Variants in INSL6 observed in about 807,000 individuals in gnomAD.
INSL6 encodes insulin-like peptide INSL6.
Under a neutral mutation model 9.4 loss-of-function variants are expected in INSL6, and 16 were observed. That is an observed-to-expected ratio of 1.70 (90% confidence interval 1.15 to 2.59). INSL6 has a LOEUF of 2.59. Among genes scored for constraint, INSL6 ranks in the 30% most tolerant of loss-of-function variants. The pLI, the probability that INSL6 is intolerant of heterozygous loss-of-function variation, is 0.00. For synonymous variants in INSL6, 154 were observed against 96.9 expected, an observed-to-expected ratio of 1.59 and a Z score of -3.46; for missense variants, 391 against 257.3, an observed-to-expected ratio of 1.52 and a Z score of -3.56.
At chr9:5,097,544 C>T in the INSL6 span, 50,898 of 151,934 alleles carry the variant, frequency 0.34, 8,856 homozygotes, top group African/African-American at 0.44. Context: ...ACAGTAGGAA[C>T]AGACATAGAC....
At chr9:5,177,442 C>T (rs1215246592) in intron 1 of INSL6, among the ~76,000 whole-genome samples, 1 of 152,184 alleles carries the variant, frequency 6.6e-6, no homozygotes, top group Non-Finnish European at 1.5e-5. Flanking sequence ...GAGCCCATGC[C>T]ACTAGGGCCT....
the INSL6 span, chr9:5,066,668 T>G: frequency 1.3e-6 from 2 of 1,485,200 alleles, no homozygotes; most frequent in Admixed American, 1.7e-5. Context: ...TGCTTCTTCT[T>G]TACCTTTAGG....
At chr9:5,018,173 C>T in the INSL6 span, among the ~76,000 whole-genome samples, 1 of 151,648 alleles carries the variant, frequency 6.6e-6, no homozygotes, top group Admixed American at 6.6e-5. Flanking sequence ...GTCCTTTGTT[C>T]TTTTCTTTCT....
the INSL6 span, chr9:5,077,608 G>T: frequency 5.0e-6 from 7 of 1,393,818 alleles, no homozygotes; most frequent in East Asian, 8.2e-5. Flanking sequence ...TTTATCAAAA[G>T]ATACTATTTT....
At chr9:5,179,560 C>G (rs990681345) in intron 1 of INSL6, among the ~76,000 whole-genome samples, 5 of 152,180 alleles carry the variant, frequency 3.3e-5, no homozygotes, top group African/African-American at 1.2e-4. Flanking sequence ...TTCATTGCAG[C>G]ACTATTCACA....
the INSL6 span, among the ~76,000 whole-genome samples, chr9:5,115,411 A>G: frequency 6.6e-6 from 1 of 152,228 alleles, no homozygotes; most frequent in Non-Finnish European, 1.5e-5. Context: ...TCAGGCAACA[A>G]CAGATGCTGA....
chr9:5,001,335 C>A, the INSL6 span, among the ~76,000 whole-genome samples: 1 of 152,026 alleles, frequency 6.6e-6, no homozygotes, highest in African/African-American at 2.4e-5. Context: ...TGTAGATGAT[C>A]TTTATTTTAT....
the INSL6 span, chr9:5,055,867 A>T: frequency 7.7e-7 from 1 of 1,297,472 alleles, no homozygotes; most frequent in Non-Finnish European, 1.1e-6. Context: ...TAGTACCAAA[A>T]TTATTTTCTG....
chr9:5,091,316 T>C, the INSL6 span: 1 of 155,140 alleles, frequency 6.4e-6, no homozygotes, highest in East Asian at 1.9e-4. Context: ...GTGATAGCTA[T>C]TGAGGAGTAT....
At chr9:5,004,749 G>A in the INSL6 span, among the ~76,000 whole-genome samples, 1 of 151,946 alleles carries the variant, frequency 6.6e-6, no homozygotes, top group Non-Finnish European at 1.5e-5. Context: ...CCCACCAAGA[G>A]TATACAAGAG....
At chr9:5,073,536 C>T in the INSL6 span, among the ~76,000 whole-genome samples, 1 of 152,164 alleles carries the variant, frequency 6.6e-6, no homozygotes, top group African/African-American at 2.4e-5. Context: ...ACGTTGATGG[C>T]AGTTGCAGGT....
intron 2 of INSL6, among the ~76,000 whole-genome samples, chr9:5,154,449 C>T (rs1390209946): frequency 1.3e-5 from 2 of 152,086 alleles, no homozygotes; most frequent in Non-Finnish European, 2.9e-5. Context: ...AAAGCAATGG[C>T]AACAAAAGCC....
the INSL6 span, among the ~76,000 whole-genome samples, chr9:5,033,572 T>TGGGG: frequency 6.6e-6 from 1 of 151,966 alleles, no homozygotes; most frequent in African/African-American, 2.4e-5. Flanking sequence ...CAGAAGAGAG[T>TGGGG]GGGGGCCAAT....
the INSL6 span, chr9:5,080,748 T>G: frequency 4.1e-6 from 5 of 1,229,498 alleles, no homozygotes; most frequent in Admixed American, 2.7e-5. Flanking sequence ...AATGAATCAT[T>G]ACTAATTTTT....
chr9:4,999,248 CT>C, the INSL6 span, among the ~76,000 whole-genome samples: 1 of 152,082 alleles, frequency 6.6e-6, no homozygotes, highest in African/African-American at 2.4e-5. Flanking sequence ...TTTCTAAAGC[CT>C]AAAAGTTGAA....
At chr9:5,022,030 T>C in the INSL6 span, 2 of 1,614,178 alleles carry the variant, frequency 1.2e-6, no homozygotes, top group South Asian at 1.1e-5. Flanking sequence ...GGAGGGAACA[T>C]CCACCTCTTC....
chr9:5,096,467 A>T, the INSL6 span, among the ~76,000 whole-genome samples: 1 of 152,082 alleles, frequency 6.6e-6, no homozygotes, highest in African/African-American at 2.4e-5. Flanking sequence ...TACCCTAATC[A>T]ACTGGCTTCA....
At chr9:5,054,637 G>A in the INSL6 span, 1 of 1,613,054 alleles carries the variant, frequency 6.2e-7, no homozygotes, top group South Asian at 1.1e-5. This position sits in a 1 kb window ranked among gnomAD's most constrained non-coding sequence, Gnocchi z 4.9. Context: ...AAGCGAATAA[G>A]GTACAGATTT....
the INSL6 span, among the ~76,000 whole-genome samples, chr9:5,095,167 A>T: frequency 2.6e-5 from 4 of 151,924 alleles, no homozygotes; most frequent in Admixed American, 6.6e-5. Flanking sequence ...AAGTAAGTTC[A>T]GCTAAATAAG....
Sources: allele counts gnomAD v4.1 joint callset (sites outside exome capture counted in the v4.1 genomes callset), GRCh38; gene constraint gnomAD v4.1.1; non-coding constraint Gnocchi (gnomAD v3.1); transcripts MANE v1.5; gene names NCBI Gene and HGNC (gene_info 2026-07-23, HGNC 2026-07-21).